MSRA: variants seen among roughly 807,000 people sequenced by gnomAD.
MSRA encodes methionine sulfoxide reductase A, also known as mitochondrial peptide methionine sulfoxide reductase.
Under a neutral mutation model 31.3 loss-of-function variants are expected in MSRA, and 54 were observed. That is an observed-to-expected ratio of 1.73 (90% confidence interval 1.39 to 2.17). MSRA has a LOEUF of 2.17. Among genes scored for constraint, MSRA ranks in the 30% most tolerant of loss-of-function variants. The pLI, the probability that MSRA is intolerant of heterozygous loss-of-function variation, is 0.00. For synonymous variants in MSRA, 169 were observed against 116.5 expected, an observed-to-expected ratio of 1.45 and a Z score of -2.90; for missense variants, 507 against 300.9, an observed-to-expected ratio of 1.69 and a Z score of -5.07.
intron 1 of MSRA, among the ~76,000 whole-genome samples, chr8:10,177,048 A>G (rs1377664838): frequency 6.6e-6 from 1 of 152,210 alleles, no homozygotes; most frequent in Non-Finnish European, 1.5e-5. Context: ...AGAATGAGAA[A>G]TGGTTCTCAA....
intron 5 of MSRA, among the ~76,000 whole-genome samples, chr8:10,348,972 T>C (rs1803960793): frequency 6.6e-6 from 1 of 152,178 alleles, no homozygotes; most frequent in Non-Finnish European, 1.5e-5. Flanking sequence ...CCTGGATTTA[T>C]GTATCTGATG....
chr8:10,117,614 T>C (rs547963472), intron 1 of MSRA, among the ~76,000 whole-genome samples: 25 of 152,364 alleles, frequency 1.6e-4, no homozygotes, highest in African/African-American at 4.8e-4. Context: ...TATATAGATA[T>C]AGATAGTCTG....
intron 3 of MSRA, among the ~76,000 whole-genome samples, chr8:10,295,175 C>A (rs1416090567): frequency 6.6e-6 from 1 of 152,106 alleles, no homozygotes; most frequent in Non-Finnish European, 1.5e-5. Flanking sequence ...GCTTGTCTTG[C>A]TACGTTCTCA....
intron 2 of MSRA, among the ~76,000 whole-genome samples, chr8:10,236,354 A>G (rs972799480): frequency 1.3e-4 from 20 of 152,206 alleles, no homozygotes; most frequent in African/African-American, 3.1e-4. Context: ...TAGGAAATCA[A>G]TGAGAAGGTG....
At chr8:10,407,926 G>A (rs1158238050) in intron 5 of MSRA, among the ~76,000 whole-genome samples, 1 of 152,190 alleles carries the variant, frequency 6.6e-6, no homozygotes, top group African/African-American at 2.4e-5. Flanking sequence ...CAATCTTTAA[G>A]CTACACTGGA....
At chr8:10,380,696 A>G (rs539912237) in intron 5 of MSRA, among the ~76,000 whole-genome samples, 1 of 152,322 alleles carries the variant, frequency 6.6e-6, no homozygotes, top group East Asian at 1.9e-4. Context: ...TTAATACATT[A>G]TTTTTGAATG....
chr8:10,161,503 A>G (rs1381676590), intron 1 of MSRA, among the ~76,000 whole-genome samples: 2 of 152,200 alleles, frequency 1.3e-5, no homozygotes, highest in South Asian at 4.1e-4. Flanking sequence ...GGTGTGAAGA[A>G]GAAGGAAAAA....
intron 4 of MSRA, among the ~76,000 whole-genome samples, chr8:10,319,157 A>G (rs982494148): frequency 6.6e-6 from 1 of 152,040 alleles, no homozygotes; most frequent in Non-Finnish European, 1.5e-5. Flanking sequence ...TCCCCTGATT[A>G]TATTAGGAAT....
chr8:10,165,582 C>T (rs1223419906), intron 1 of MSRA, among the ~76,000 whole-genome samples: 1 of 152,160 alleles, frequency 6.6e-6, no homozygotes, highest in Non-Finnish European at 1.5e-5. Context: ...AAATGAGTGG[C>T]AGTCTGTGCC....
chr8:10,185,355 T>A (rs1447225479), intron 1 of MSRA, among the ~76,000 whole-genome samples: 2 of 152,152 alleles, frequency 1.3e-5, no homozygotes, highest in Non-Finnish European at 2.9e-5. Context: ...GGATCTAGGG[T>A]TTCCCCCAAA....
At chr8:10,138,524 T>G (rs1024844060) in intron 1 of MSRA, among the ~76,000 whole-genome samples, 8 of 152,224 alleles carry the variant, frequency 5.3e-5, no homozygotes, top group Admixed American at 1.3e-4. Flanking sequence ...CTTTCATGTC[T>G]CTACTTCTCA....
intron 3 of MSRA, among the ~76,000 whole-genome samples, chr8:10,271,212 T>C (rs1205940343): frequency 6.6e-6 from 1 of 152,138 alleles, no homozygotes; most frequent in Admixed American, 6.5e-5. Context: ...GATACACAGA[T>C]GGCATATAGC....
chr8:10,416,362 G>C (rs1808459000), intron 5 of MSRA, among the ~76,000 whole-genome samples: 1 of 152,188 alleles, frequency 6.6e-6, no homozygotes, highest in African/African-American at 2.4e-5. Flanking sequence ...CCAACCCTTC[G>C]GTATCACACC....
intron 4 of MSRA, among the ~76,000 whole-genome samples, chr8:10,318,515 A>C (rs1344500799): frequency 6.6e-6 from 1 of 152,192 alleles, no homozygotes; most frequent in Non-Finnish European, 1.5e-5. Context: ...TATTTGCAGA[A>C]AGAGGAAAGA....
intron 1 of MSRA, among the ~76,000 whole-genome samples, chr8:10,110,405 G>C (rs1156705177): frequency 6.6e-6 from 1 of 152,144 alleles, no homozygotes; most frequent in Non-Finnish European, 1.5e-5. Context: ...GCATATCATG[G>C]TTGTCAGGGG....
intron 1 of MSRA, among the ~76,000 whole-genome samples, chr8:10,131,763 C>T (rs1314627122): frequency 6.6e-6 from 1 of 152,198 alleles, no homozygotes; most frequent in Non-Finnish European, 1.5e-5. Flanking sequence ...GACTCTGTCG[C>T]TGCCTCTTCC....
At chr8:10,363,882 G>C (rs1179890172) in intron 5 of MSRA, among the ~76,000 whole-genome samples, 4 of 152,082 alleles carry the variant, frequency 2.6e-5, no homozygotes, top group African/African-American at 4.8e-5. Context: ...CAGTGAGCTT[G>C]ATGGCACCAC....
chr8:10,152,229 A>C (rs547745699), intron 1 of MSRA, among the ~76,000 whole-genome samples: 49 of 152,380 alleles, frequency 3.2e-4, no homozygotes, highest in Admixed American at 5.2e-4. Flanking sequence ...ATATATGTAT[A>C]TGTGTGTATC....
At chr8:10,399,652 C>G (rs1351876161) in intron 5 of MSRA, among the ~76,000 whole-genome samples, 1 of 152,206 alleles carries the variant, frequency 6.6e-6, no homozygotes, top group Admixed American at 6.5e-5. Context: ...ATTACCCAGC[C>G]TCTGATATTT....
Sources: gnomAD v4.1 joint callset for allele counts (sites outside exome capture counted in the v4.1 genomes callset) on GRCh38, gnomAD v4.1.1 for gene constraint, MANE v1.5 for transcripts, NCBI Gene and HGNC (gene_info 2026-07-23, HGNC 2026-07-21) for gene names.